Variants in TNRC6C observed in about 807,000 individuals in gnomAD.
The protein encoded by TNRC6C is trinucleotide repeat-containing gene 6C protein.
TNRC6C carries 20 observed loss-of-function variants against 153.7 expected under a neutral mutation model. The observed-to-expected ratio is 0.13, with a 90% CI of 0.09 to 0.19. The LOEUF is 0.19. Ranked by LOEUF, TNRC6C falls within the 10% of genes least tolerant of loss-of-function variation. TNRC6C has a pLI of 1.00. For synonymous variants in TNRC6C, 811 were observed against 841.4 expected (o/e 0.96, Z 0.63); for missense variants, 1,987 against 2,172.0 (o/e 0.91, Z 1.69).
intron 9 of TNRC6C, chr17:78,077,684 T>G: frequency 4.2e-6 from 1 of 240,050 alleles, no homozygotes; most frequent in African/African-American, 2.3e-5. Context: ...TCTTTCCTCA[T>G]GGCAACCAAA....
intron 1 of TNRC6C, among the ~76,000 whole-genome samples, chr17:77,970,483 C>T (rs971266609): frequency 1.3e-5 from 2 of 152,200 alleles, no homozygotes; most frequent in Admixed American, 1.3e-4. Flanking sequence ...GCAACCTCAC[C>T]TGGCTGCTGC....
chr17:78,075,043 T>G lies in TNRC6C; in HGVS notation c.2918-93T>G. On this transcript the variant is annotated intron_variant, in intron 7 of 19. Transcript: ENST00000301624. This position sits in a 1 kb window ranked among gnomAD's most constrained non-coding sequence, Gnocchi z 4.2. ...CCTGTGTTTGAAGGGGTGGAGGGTC[T>G]CCATCCCTCCTTGAGGCCTTAGCTG... The G allele has an allele frequency of 3.4e-6, 5 of 1,462,162 alleles. No homozygotes were observed. Among genetic ancestry groups the G allele is most frequent in the Non-Finnish European group, 4.7e-6 (5 of 1,074,842 alleles). 90.6% of individuals were successfully genotyped at this position (1,462,162 alleles called of 1,614,324 possible).
At position 78,078,065 on chromosome 17, in the gene TNRC6C, G is replaced by A. The variant is rs1459140437; in HGVS notation, c.3210+731G>A. Among the ~76,000 whole-genome samples the A allele has an allele frequency of 2.6e-5, 4 of 152,228 alleles. 1 individual carries two copies. The highest frequency in any genetic ancestry group is 2.0e-4 in the Admixed American group (3 of 15,278). ...TGTCTCTAAGTAGACACTGTGAGGT[G>A]TGGGTGGCCAAACAGCCTCTGTGTG... On this transcript the variant is annotated intron_variant, in intron 9 of 19. Transcript: ENST00000301624.
chr17:78,004,326 C>A, upstream of TNRC6C: 1 of 1,231,340 alleles, frequency 8.1e-7, no homozygotes, highest in East Asian at 3.2e-5. Context: ...TCATTTGCAT[C>A]ATCATAGCCA....
In TNRC6C at chr17:78,075,059, G is replaced by A. The variant is rs1376073463; in HGVS notation, c.2918-77G>A. ...TGGAGGGTCTCCATCCCTCCTTGAGGCCTTAGCTGGTGCCTATCTTGTGCT... is the reference window on the plus strand; with the variant it reads ...TGGAGGGTCTCCATCCCTCCTTGAGACCTTAGCTGGTGCCTATCTTGTGCT... On this transcript the variant is annotated intron_variant, in intron 7 of 19. Transcript: ENST00000301624. The surrounding 1 kb of genome is among the most constrained non-coding windows in gnomAD (Gnocchi z 4.2). 1 of 1,547,388 alleles carries A rather than the reference G, an allele frequency of 6.5e-7. No individual in the cohort carries two copies. Among genetic ancestry groups the A allele is most frequent in the Admixed American group, 1.9e-5 (1 of 52,504 alleles).
At chr17:78,019,171 C>T (rs181110661) in intron 1 of TNRC6C, among the ~76,000 whole-genome samples, 1 of 152,162 alleles carries the variant, frequency 6.6e-6, no homozygotes, top group East Asian at 1.9e-4. Context: ...ACTAAAATGG[C>T]TAGGAAAGAA....
chr17:78,001,775 G>C (rs867171715), upstream of TNRC6C, among the ~76,000 whole-genome samples: 11 of 152,114 alleles, frequency 7.2e-5, 1 homozygote, highest in Middle Eastern at 6.8e-3. Flanking sequence ...TTTTAACGTG[G>C]GTCATGGGGG....
At chr17:78,023,003 G>A (rs1167203052) in intron 1 of TNRC6C, among the ~76,000 whole-genome samples, 1 of 152,110 alleles carries the variant, frequency 6.6e-6, no homozygotes. Flanking sequence ...ATATATAGGA[G>A]AGCTGGGCAT....
chr17:78,080,710 G>T (rs1032432488), intron 10 of TNRC6C, among the ~76,000 whole-genome samples: 15 of 152,072 alleles, frequency 9.9e-5, no homozygotes, highest in Admixed American at 2.0e-4. Context: ...CGTAATTCTG[G>T]TGTGAAGGTT....
intron 1 of TNRC6C, among the ~76,000 whole-genome samples, chr17:78,006,426 T>C (rs1330840452): frequency 1.3e-5 from 2 of 152,236 alleles, no homozygotes; most frequent in East Asian, 3.8e-4. Context: ...AATGGTTTCT[T>C]ACTATTGTCA....
At chr17:78,046,750 T>C (rs1024655234) in intron 2 of TNRC6C, among the ~76,000 whole-genome samples, 1 of 152,220 alleles carries the variant, frequency 6.6e-6, no homozygotes, top group East Asian at 1.9e-4. Flanking sequence ...TTATCTGGCA[T>C]GTATACGATA....
At chr17:78,069,414 A>AG (rs1567949977) in intron 5 of TNRC6C, among the ~76,000 whole-genome samples, 4 of 152,100 alleles carry the variant, frequency 2.6e-5, no homozygotes, top group Admixed American at 2.6e-4. Context: ...ATTTAAAAAA[A>AG]TTTTTTTAGA....
intron 6 of TNRC6C, among the ~76,000 whole-genome samples, chr17:78,071,511 G>T (rs982512031): frequency 2.6e-5 from 4 of 151,836 alleles, no homozygotes; most frequent in African/African-American, 9.7e-5. Context: ...TCGGCCTCCC[G>T]AGTAGAGCTG....
At chr17:77,978,635 T>G (rs779311432) in intron 1 of TNRC6C, among the ~76,000 whole-genome samples, 55 of 152,086 alleles carry the variant, frequency 3.6e-4, no homozygotes, top group Non-Finnish European at 6.3e-4. Flanking sequence ...ACTGAAAACC[T>G]GAACAAAAAG....
upstream of TNRC6C, among the ~76,000 whole-genome samples, chr17:78,004,725 T>A (rs1229904764): frequency 6.6e-6 from 1 of 152,228 alleles, no homozygotes; most frequent in Non-Finnish European, 1.5e-5. Context: ...TTTTATGGCA[T>A]TTAAAATACC....
intron 1 of TNRC6C, among the ~76,000 whole-genome samples, chr17:77,959,806 A>G (rs2070846694): frequency 2.0e-5 from 3 of 152,204 alleles, no homozygotes; most frequent in South Asian, 4.1e-4. Flanking sequence ...AACGAGCCGT[A>G]CAACATCTGT....
chr17:77,966,097 G>A (rs1289987981), intron 1 of TNRC6C, among the ~76,000 whole-genome samples: 1 of 152,190 alleles, frequency 6.6e-6, no homozygotes, highest in Non-Finnish European at 1.5e-5. Flanking sequence ...GAGACGAATG[G>A]GCAAGCCATG....
chr17:77,991,334 G>A (rs1475648736), intron 1 of TNRC6C, among the ~76,000 whole-genome samples: 1 of 152,136 alleles, frequency 6.6e-6, no homozygotes, highest in Non-Finnish European at 1.5e-5. Context: ...ATCTATGTGT[G>A]GAGGTGGGCA....
chr17:78,031,510 T>C lies in TNRC6C; in HGVS notation c.-545-6T>C. The stretch of plus-strand genomic sequence containing the variant: ...TTTGGGTTCTTTTGCCTTTCATTCA[T>C]TTTAGTGCCAGAACCTACTAAGACC... On this transcript the variant is annotated splice_region_variant and splice_polypyrimidine_tract_variant and intron_variant, in intron 1 of 19. Transcript: ENST00000301624. 1 of 1,232,182 alleles carries C rather than the reference T, an allele frequency of 8.1e-7. No homozygotes were observed. Among genetic ancestry groups the C allele is most frequent in the East Asian group, 3.2e-5 (1 of 31,710 alleles). 76.3% of individuals were successfully genotyped at this position (1,232,182 alleles called of 1,614,324 possible).
Sources: allele counts gnomAD v4.1 joint callset (sites outside exome capture counted in the v4.1 genomes callset), GRCh38; gene constraint gnomAD v4.1.1; non-coding constraint Gnocchi (gnomAD v3.1); transcripts MANE v1.5; gene names NCBI Gene and HGNC (gene_info 2026-07-23, HGNC 2026-07-21).